Variants in INTS7 observed in about 807,000 individuals in gnomAD.
The protein encoded by INTS7 is integrator complex subunit 7.
In INTS7, 46 loss-of-function variants were observed where a neutral mutation model predicts 109.2. That is an observed-to-expected ratio of 0.42 (90% CI 0.33 to 0.54). INTS7 has a LOEUF of 0.54. Among genes scored for constraint, INTS7 ranks in the 20% least tolerant of loss-of-function variants. The probability of loss-of-function intolerance (pLI) is 0.07; values close to 1 mark genes in which losing one functional copy is unlikely to be tolerated. For missense variants in INTS7, 929 were observed against 1,132.4 expected, an observed-to-expected ratio of 0.82 and a Z score of 2.58; for synonymous variants, 412 against 402.9, an observed-to-expected ratio of 1.02 and a Z score of -0.27.
In INTS7 at chr1:211,997,405, G is replaced by A. The variant is rs529081317; in HGVS notation, c.879+9234C>T. Reference sequence around the variant, plus strand: ...ACAAAAATTAGACAGGCATGGTGGCGTGTACCTGTAGTCCCATCTACTCAG... The same window carrying A: ...ACAAAAATTAGACAGGCATGGTGGCATGTACCTGTAGTCCCATCTACTCAG... On this transcript the variant is annotated intron_variant, in intron 7 of 19. Transcript: ENST00000366994. Among the ~76,000 whole-genome samples the A allele has an allele frequency of 2.6e-4, 39 of 151,470 alleles. No homozygotes were observed. The South Asian group carries it at 2.9e-3, about 11-fold the overall frequency.
chr1:212,005,515 A>G (rs1309372406), intron 7 of INTS7, among the ~76,000 whole-genome samples: 1 of 152,216 alleles, frequency 6.6e-6, no homozygotes, highest in East Asian at 1.9e-4. Context: ...AACTATTTAT[A>G]TATTTTACAT....
At chr1:211,979,872 C>T (rs1332814727) in intron 10 of INTS7, among the ~76,000 whole-genome samples, 1 of 152,134 alleles carries the variant, frequency 6.6e-6, no homozygotes, top group African/African-American at 2.4e-5. Flanking sequence ...TAATCACTCC[C>T]GACTCTGACC....
intron 7 of INTS7, among the ~76,000 whole-genome samples, chr1:211,995,243 G>A (rs1347272653): frequency 6.6e-6 from 1 of 152,068 alleles, no homozygotes; most frequent in East Asian, 1.9e-4. Flanking sequence ...AAAGGAAACA[G>A]AAAGCATTAC....
chr1:212,006,287 A>G (rs1394660076), intron 7 of INTS7, among the ~76,000 whole-genome samples: 1 of 152,132 alleles, frequency 6.6e-6, no homozygotes, highest in Non-Finnish European at 1.5e-5. Context: ...TCCATTACAG[A>G]TAACATTCAG....
chr1:212,030,752 C>G (rs1275593268), intron 1 of INTS7: 1 of 152,190 alleles, frequency 6.6e-6, no homozygotes, highest in Non-Finnish European at 1.5e-5. Flanking sequence ...ACAAATCTGG[C>G]TGCTGAGGCC....
intron 13 of INTS7, among the ~76,000 whole-genome samples, chr1:211,973,503 AG>A (rs1175501496): frequency 6.6e-6 from 1 of 152,232 alleles, no homozygotes; most frequent in African/African-American, 2.4e-5. Flanking sequence ...GCAGATAAAA[AG>A]CATGATCCTC....
chr1:211,943,620 C>T (rs879940334), intron 19 of INTS7, among the ~76,000 whole-genome samples: 2 of 152,156 alleles, frequency 1.3e-5, no homozygotes, highest in Non-Finnish European at 2.9e-5. Context: ...AGAATGAAGG[C>T]TCAGCCGTGT....
Position 211,974,681 on chromosome 1 carries a change from A to G in INTS7, c.1815+485T>C, listed in dbSNP as rs569903281. ...CAACCCTTTCATTTTCTTGGCAGAGATAACAGAAATTGTAGCTAGCTAATG... is the reference window on the plus strand; with the variant it reads ...CAACCCTTTCATTTTCTTGGCAGAGGTAACAGAAATTGTAGCTAGCTAATG... On this transcript the variant is annotated intron_variant, in intron 13 of 19. Coordinates refer to ENST00000366994, the MANE Select transcript of INTS7 (RefSeq NM_015434.4). 4.0e-4 allele frequency among the ~76,000 whole-genome samples: 61 copies of G among 152,320 alleles called. No homozygotes were observed. In the East Asian group the frequency reaches 4.2e-3, roughly 11 times the overall value.
At chr1:211,989,842 C>A (rs1045749000) in intron 7 of INTS7, among the ~76,000 whole-genome samples, 1 of 150,590 alleles carries the variant, frequency 6.6e-6, no homozygotes, top group Non-Finnish European at 1.5e-5. Context: ...AAAAAAAGTT[C>A]TTACTAATAG....
chr1:212,018,845 A>G (rs1325379265), intron 3 of INTS7, among the ~76,000 whole-genome samples: 1 of 152,232 alleles, frequency 6.6e-6, no homozygotes, highest in African/African-American at 2.4e-5. Context: ...TCATTCTACA[A>G]AAATGATACT....
chr1:211,999,896 G>A (rs932293409), intron 7 of INTS7, among the ~76,000 whole-genome samples: 3 of 144,182 alleles, frequency 2.1e-5, no homozygotes, highest in African/African-American at 8.0e-5. Flanking sequence ...CCTGAGGTCT[G>A]GAGTTCAAAA....
chr1:212,021,097 A>G lies in INTS7; in HGVS notation c.210T>C (p.Asp70=), dbSNP rs1328107822. The G allele has an allele frequency of 1.2e-6, 2 of 1,605,168 alleles. No homozygotes were observed. Among genetic ancestry groups the G allele is most frequent in the African/African-American group, 2.7e-5 (2 of 74,476 alleles). ...LINSAFLKLA[D]VFRVGNNFLR... is the part of the protein sequence containing the mutation. The stretch of plus-strand genomic sequence containing the variant: ...AAAAGACTTACCCAACTCTGAAAAC[A>G]TCAGCTAACTTTAGGAATGCAGAAT... Residue 70 remains aspartate (D), a synonymous_variant, in exon 2 of 20, where the codon GAT becomes GAC. Transcript: ENST00000366994.
chr1:211,981,761 A>C (rs1327818010), intron 9 of INTS7, among the ~76,000 whole-genome samples: 3 of 152,170 alleles, frequency 2.0e-5, no homozygotes, highest in Admixed American at 2.0e-4. Flanking sequence ...ATTTCTCTGA[A>C]GGTTTTAGAA....
intron 7 of INTS7, among the ~76,000 whole-genome samples, chr1:212,004,820 C>G (rs146821740): frequency 6.6e-6 from 1 of 152,098 alleles, no homozygotes; most frequent in African/African-American, 2.4e-5. Context: ...TGTTCAATTT[C>G]TTTAATAATC....
chr1:211,972,474 G>A (rs1664223968), intron 13 of INTS7, among the ~76,000 whole-genome samples: 1 of 152,146 alleles, frequency 6.6e-6, no homozygotes, highest in Non-Finnish European at 1.5e-5. Context: ...AATTAGGGAG[G>A]TTCAACTGGC....
At chr1:211,958,773 G>A (rs958548190) in intron 16 of INTS7, among the ~76,000 whole-genome samples, 6 of 152,046 alleles carry the variant, frequency 3.9e-5, no homozygotes, top group African/African-American at 9.7e-5. Context: ...TCTCTTTGAG[G>A]AAACTGATAT....
At chr1:211,969,763 A>T (rs546261761) in intron 13 of INTS7, among the ~76,000 whole-genome samples, 40 of 151,140 alleles carry the variant, frequency 2.6e-4, no homozygotes, top group Non-Finnish European at 4.4e-4. Context: ...TTGTTGCCCA[A>T]GCTGGAGTGC....
At chr1:212,012,287 C>T (rs1666197192) in intron 4 of INTS7, among the ~76,000 whole-genome samples, 1 of 151,854 alleles carries the variant, frequency 6.6e-6, no homozygotes, top group African/African-American at 2.4e-5. Context: ...GGGCGGAGAA[C>T]AGGATTAAAT....
intron 14 of INTS7, 23 bp downstream of exon 14, chr1:211,968,490 A>G: frequency 6.3e-7 from 1 of 1,588,780 alleles, no homozygotes. Context: ...TAAATAAAAA[A>G]TGCACTGAAA....
Sources: gnomAD v4.1 joint callset for allele counts (sites outside exome capture counted in the v4.1 genomes callset) on GRCh38, gnomAD v4.1.1 for gene constraint, MANE v1.5 for transcripts, NCBI Gene and HGNC (gene_info 2026-07-23, HGNC 2026-07-21) for gene names.